The following ATP13A4 variants were observed in gnomAD, a reference collection of about 807,000 sequenced individuals.
ATP13A4 encodes the protein ATPase 13A4, also known as probable cation-transporting ATPase 13A4.
In ATP13A4, 114 loss-of-function variants were observed where a neutral mutation model predicts 142.5. The ratio of observed to expected loss-of-function variants is 0.80; its 90% CI spans 0.69 to 0.93. The LOEUF (loss-of-function observed/expected upper bound fraction) is 0.93. Ranked by LOEUF, ATP13A4 falls within the 40% of genes least tolerant of loss-of-function variation. ATP13A4 has a pLI of 0.00. For synonymous variants in ATP13A4, 488 were observed against 514.8 expected (o/e 0.95, Z 0.70); for missense variants, 1,392 against 1,454.0 (o/e 0.96, Z 0.69).
chr3:193,550,494 C>T (rs890666697), intron 1 of ATP13A4, among the ~76,000 whole-genome samples: 1 of 151,868 alleles, frequency 6.6e-6, no homozygotes, highest in South Asian at 2.1e-4. Flanking sequence ...TTTTTATAGA[C>T]AGGGTTTCAC....
At chr3:193,541,548 C>CTGAT (rs1190627880) in intron 1 of ATP13A4, among the ~76,000 whole-genome samples, 2 of 152,142 alleles carry the variant, frequency 1.3e-5, no homozygotes, top group Admixed American at 1.3e-4. Context: ...AGTTAGTTCA[C>CTGAT]TGATTATATA....
At chr3:193,500,693 G>T (rs957664402) in intron 3 of ATP13A4, among the ~76,000 whole-genome samples, 2 of 152,170 alleles carry the variant, frequency 1.3e-5, no homozygotes, top group Non-Finnish European at 2.9e-5. Flanking sequence ...CTGCTGTGTG[G>T]CCTGGTTCCT....
At position 193,448,188 on chromosome 3, in the gene ATP13A4, GTA is replaced by G; in HGVS notation, c.2152+16_2152+17del. 1 of 1,613,436 alleles carries G rather than the reference GTA, an allele frequency of 6.2e-7. No individual in the cohort carries two copies. The highest frequency in any genetic ancestry group is 8.5e-7 in the Non-Finnish European group (1 of 1,179,596). On this transcript the variant is annotated intron_variant, in intron 18 of 29. Coordinates refer to ENST00000342695, the MANE Select transcript of ATP13A4 (RefSeq NM_032279.4). ...ACATCAAATTCTTACTGTTTTCACT[GTA>G]TACTTTGTTTCATACCTGTGATCAT...
chr3:193,419,277 T>C (rs565326205), intron 25 of ATP13A4, among the ~76,000 whole-genome samples: 1 of 150,356 alleles, frequency 6.7e-6, no homozygotes, highest in South Asian at 2.1e-4. Context: ...CTGCTCCATA[T>C]ACCCTTCTGA....
chr3:193,585,887 T>C (rs1724657982), intron 1 of ATP13A4, among the ~76,000 whole-genome samples: 1 of 152,168 alleles, frequency 6.6e-6, no homozygotes, highest in South Asian at 2.1e-4. Flanking sequence ...AAGTGTATAT[T>C]TAACTTTATA....
intron 2 of ATP13A4, among the ~76,000 whole-genome samples, chr3:193,580,707 G>C (rs381417): frequency 6.6e-6 from 1 of 152,078 alleles, no homozygotes; most frequent in African/African-American, 2.4e-5. Flanking sequence ...AAATACCTGC[G>C]AGTAGGGGGA....
intron 1 of ATP13A4, among the ~76,000 whole-genome samples, chr3:193,553,956 C>T (rs1723738455): frequency 6.6e-6 from 1 of 152,188 alleles, no homozygotes; most frequent in African/African-American, 2.4e-5. Flanking sequence ...TACATCATTA[C>T]TGGCATAAAA....
chr3:193,573,394 A>T (rs1724330847), intron 2 of ATP13A4, among the ~76,000 whole-genome samples: 1 of 148,620 alleles, frequency 6.7e-6, no homozygotes, highest in Non-Finnish European at 1.5e-5. Context: ...CTTTTATCTC[A>T]GCCTTATCTC....
chr3:193,436,843 G>T (rs1053772260), intron 23 of ATP13A4, among the ~76,000 whole-genome samples: 1 of 140,526 alleles, frequency 7.1e-6, no homozygotes, highest in Non-Finnish European at 1.5e-5. Context: ...GGTGGCTCAC[G>T]CCTGTAATCC....
intron 3 of ATP13A4, among the ~76,000 whole-genome samples, chr3:193,499,892 G>A (rs897921260): frequency 2.0e-5 from 3 of 152,126 alleles, no homozygotes; most frequent in African/African-American, 7.2e-5. Flanking sequence ...AAATAAAGAG[G>A]CTACTGATAA....
At chr3:193,542,879 G>A (rs1437967729) in intron 1 of ATP13A4, among the ~76,000 whole-genome samples, 1 of 152,110 alleles carries the variant, frequency 6.6e-6, no homozygotes, top group Admixed American at 6.5e-5. Context: ...AAAAAACCTA[G>A]AAGAGGCCAG....
At chr3:193,429,557 A>G (rs1715859892) in intron 25 of ATP13A4, among the ~76,000 whole-genome samples, 1 of 148,436 alleles carries the variant, frequency 6.7e-6, no homozygotes, top group African/African-American at 2.5e-5. Context: ...ATTTATATGA[A>G]ATATATTGAA....
intron 8 of ATP13A4, among the ~76,000 whole-genome samples, chr3:193,473,130 T>C (rs957676713): frequency 2.0e-5 from 3 of 152,238 alleles, no homozygotes; most frequent in Admixed American, 6.5e-5. Flanking sequence ...AAGAAAAGTA[T>C]AATATAAGCT....
chr3:193,568,239 G>T (rs1020918132), intron 2 of ATP13A4, among the ~76,000 whole-genome samples: 2 of 151,996 alleles, frequency 1.3e-5, no homozygotes, highest in Non-Finnish European at 2.9e-5. Context: ...GGGATTACAG[G>T]CATGAGCCAC....
intron 9 of ATP13A4, among the ~76,000 whole-genome samples, 189 bp downstream of exon 9, chr3:193,470,670 T>A (rs933116392): frequency 6.6e-6 from 1 of 152,162 alleles, no homozygotes; most frequent in African/African-American, 2.4e-5. Flanking sequence ...AGAAAGAGCT[T>A]TAATTTGAAC....
At chr3:193,563,291 G>T (rs1431313146) in intron 2 of ATP13A4, among the ~76,000 whole-genome samples, 1 of 152,118 alleles carries the variant, frequency 6.6e-6, no homozygotes, top group Non-Finnish European at 1.5e-5. Flanking sequence ...ATGCAGAGAA[G>T]GCCTGGCTAA....
At chr3:193,528,196 T>C (rs1240506812) in intron 1 of ATP13A4, among the ~76,000 whole-genome samples, 1 of 152,230 alleles carries the variant, frequency 6.6e-6, no homozygotes, top group East Asian at 1.9e-4. Context: ...GCATGTCACA[T>C]GCGAGAACCC....
intron 23 of ATP13A4, 74 bp from the exon 24 acceptor site, chr3:193,435,818 G>A (rs1371977528): frequency 1.5e-6 from 2 of 1,323,068 alleles, no homozygotes; most frequent in Non-Finnish European, 2.2e-6. Context: ...GTGCTGTTCA[G>A]CTAAGCTCAG....
chr3:193,536,179 T>TA (rs1354272361), intron 1 of ATP13A4, among the ~76,000 whole-genome samples: 17 of 151,834 alleles, frequency 1.1e-4, no homozygotes, highest in African/African-American at 4.1e-4. Flanking sequence ...ACAAAGACAG[T>TA]AAAAAAACAA....
Sources: allele counts gnomAD v4.1 joint callset (sites outside exome capture counted in the v4.1 genomes callset), GRCh38; gene constraint gnomAD v4.1.1; transcripts MANE v1.5; gene names NCBI Gene and HGNC (gene_info 2026-07-23, HGNC 2026-07-21).